CREBBP: variants seen among roughly 807,000 people sequenced by gnomAD.
CREBBP encodes the protein CREB-binding protein.
In CREBBP, 19 loss-of-function variants were observed where a neutral mutation model predicts 265.0. The ratio of observed to expected loss-of-function variants is 0.07; its 90% confidence interval spans 0.05 to 0.11. The LOEUF (loss-of-function observed/expected upper bound fraction) is 0.11, where lower values mean the gene tolerates loss of function less well. Ranked by LOEUF, CREBBP falls within the 10% of genes least tolerant of loss-of-function variation. The probability of loss-of-function intolerance (pLI) is 1.00; values close to 1 mark genes in which losing one functional copy is unlikely to be tolerated. For missense variants in CREBBP, 2,525 were observed against 3,219.0 expected (o/e 0.78, Z 5.22); for synonymous variants, 1,457 against 1,223.7 (o/e 1.19, Z -3.98).
rs991418971 is a variant in CREBBP, at chr16:3,780,759, T to G, written c.1796A>C (p.Asp599Ala). Residue 599 changes from aspartate (D) to alanine (A), a missense_variant, in exon 8 of 31, where the codon GAC becomes GCC. By Grantham distance (126) the Asp-to-Ala change is moderately radical. Coordinates refer to ENST00000262367, the MANE Select transcript of CREBBP (RefSeq NM_004380.3). Reference sequence around the variant, plus strand: ...TTTATGCACTAGATGGCTCCGCAGGTCCTGAGTGACATGTTCGTGCCAGCC... The same window carrying G: ...TTTATGCACTAGATGGCTCCGCAGGGCCTGAGTGACATGTTCGTGCCAGCC... ...RKGWHEHVTQ[D>A]LRSHLVHKLV... 6.2e-7 allele frequency: 1 copy of G among 1,614,024 alleles called. No homozygotes were observed. The highest frequency in any genetic ancestry group is 1.1e-5 in the South Asian group (1 of 91,062).
intron 2 of CREBBP, among the ~76,000 whole-genome samples, chr16:3,843,711 C>T (rs1249696057): frequency 3.3e-5 from 5 of 151,960 alleles, no homozygotes; most frequent in African/African-American, 4.8e-5. Context: ...TGAGCCACCA[C>T]GCCCGGCACT....
chr16:3,846,032 T>C (rs551773023), intron 2 of CREBBP, among the ~76,000 whole-genome samples: 1 of 152,286 alleles, frequency 6.6e-6, no homozygotes, highest in African/African-American at 2.4e-5. Context: ...TGTGTTTCTA[T>C]ACAAACTGAA....
chr16:3,871,111 GAA>G (rs1424374752), intron 1 of CREBBP, among the ~76,000 whole-genome samples: 2 of 151,564 alleles, frequency 1.3e-5, no homozygotes, highest in Non-Finnish European at 2.9e-5. Context: ...AAGAAAGAAA[GAA>G]GAGAGAAGAG....
At chr16:3,761,904 G>C (rs141013629) in intron 16 of CREBBP, among the ~76,000 whole-genome samples, 2 of 152,274 alleles carry the variant, frequency 1.3e-5, no homozygotes, top group Non-Finnish European at 2.9e-5. Context: ...CTGAATGAGG[G>C]GTTGGCAAAT....
intron 5 of CREBBP, among the ~76,000 whole-genome samples, chr16:3,786,042 A>G (rs1002276399): frequency 6.6e-6 from 1 of 152,258 alleles, no homozygotes; most frequent in African/African-American, 2.4e-5. Flanking sequence ...CTTCATGCAC[A>G]AACAATGTTC....
chr16:3,860,721 G>C (rs1188174998), intron 1 of CREBBP, among the ~76,000 whole-genome samples: 1 of 152,056 alleles, frequency 6.6e-6, no homozygotes, highest in African/African-American at 2.4e-5. Flanking sequence ...CAAGGGCAAA[G>C]CATCCTGGAA....
rs1457017346 is a variant in CREBBP at position 3,880,214 on chromosome 16, GCGCCCCGGCGGCCCGGC to G, written c.-315_-299del. On this transcript the variant is annotated 5_prime_UTR_variant, in exon 1 of 31. Coordinates refer to ENST00000262367, the MANE Select transcript of CREBBP (RefSeq NM_004380.3). The stretch of plus-strand genomic sequence containing the variant: ...CCGAGCGCGACACTCCGCGGTGGGG[GCGCCCCGGCGGCCCGGC>G]CGCCCCCCCGGGCCCGGCTGGCAGC... The G allele has an allele frequency of 7.2e-6, 1 of 138,546 alleles. No individual in the cohort carries two copies. Among genetic ancestry groups the G allele is most frequent in the Non-Finnish European group, 1.6e-5 (1 of 62,802 alleles). 8.6% of individuals were successfully genotyped at this position (138,546 alleles called of 1,614,324 possible).
intron 5 of CREBBP, among the ~76,000 whole-genome samples, chr16:3,785,637 T>C (rs913811037): frequency 1.3e-5 from 2 of 152,206 alleles, no homozygotes; most frequent in Admixed American, 6.5e-5. Context: ...ATGGAGTGTC[T>C]TGGAACTGAA....
At chr16:3,740,675 C>CA in intron 23 of CREBBP, 126 bp from the exon 24 acceptor site, 1 of 1,121,502 alleles carries the variant, frequency 8.9e-7, no homozygotes, top group Non-Finnish European at 1.3e-6. Flanking sequence ...GTTCTCCAAA[C>CA]ACGGAAGAAA....
Position 3,731,656 on chromosome 16 carries a change from G to C in CREBBP, c.4890+120C>G. 2 of 1,489,504 alleles carry C rather than the reference G, an allele frequency of 1.3e-6. No individual in the cohort carries two copies. Among genetic ancestry groups the C allele is most frequent in the Non-Finnish European group, 1.9e-6 (2 of 1,072,340 alleles). 92.3% of individuals were successfully genotyped at this position (1,489,504 alleles called of 1,614,324 possible). ...TGATGTCACCCAACTGGTCCACTTG[G>C]TTTCCTGGGGGCCACTTCCCTCCCA... On this transcript the variant is annotated intron_variant, in intron 29 of 30. Transcript: ENST00000262367. The surrounding 1 kb of genome is among the most constrained non-coding windows in gnomAD (Gnocchi z 7.7).
In CREBBP at chr16:3,869,166, T is replaced by C. The variant is rs193061882; in HGVS notation, c.85+10666A>G. 1.1e-3 allele frequency among the ~76,000 whole-genome samples: 171 copies of C among 152,198 alleles called. 1 individual carries two copies. Among genetic ancestry groups the C allele is most frequent in the Middle Eastern group, 6.8e-3 (2 of 294 alleles). On this transcript the variant is annotated intron_variant, in intron 1 of 30. Transcript: ENST00000262367. ...CGTCACAGCCCCCGGGGACTTCCAA[T>C]ACCCTTCAAAACAGGCTCAGTCCCC...
intron 2 of CREBBP, among the ~76,000 whole-genome samples, chr16:3,830,660 T>C (rs1019434796): frequency 2.0e-4 from 30 of 152,180 alleles, no homozygotes; most frequent in Admixed American, 1.8e-3. Context: ...AAAATTGTAA[T>C]TGTAGATTTT....
At chr16:3,775,649 C>T (rs2053120286) in intron 11 of CREBBP, among the ~76,000 whole-genome samples, 1 of 152,156 alleles carries the variant, frequency 6.6e-6, no homozygotes, top group African/African-American at 2.4e-5. Flanking sequence ...GTAAGCTTCC[C>T]CACTCCTTGA....
rs149272209 is a variant in CREBBP, at chr16:3,834,210, T to A, written c.798+16087A>T. Among the ~76,000 whole-genome samples the A allele has an allele frequency of 2.0e-4, 31 of 152,278 alleles. No individual in the cohort carries two copies. The East Asian group carries it at 6.0e-3, about 29-fold the overall frequency. On this transcript the variant is annotated intron_variant, in intron 2 of 30. Transcript: ENST00000262367. ...GACACTTTGGAAGACATTTTTGCAGTTTCTCACAAAACTAAGCATACTCTT... is the reference window on the plus strand; with the variant it reads ...GACACTTTGGAAGACATTTTTGCAGATTCTCACAAAACTAAGCATACTCTT...
At chr16:3,837,358 G>A (rs1034172118) in intron 2 of CREBBP, among the ~76,000 whole-genome samples, 7 of 152,312 alleles carry the variant, frequency 4.6e-5, no homozygotes, top group Non-Finnish European at 7.4e-5. Context: ...GCTCACACCT[G>A]TAATCCCAGC....
chr16:3,786,271 C>T (rs535961168), intron 5 of CREBBP, among the ~76,000 whole-genome samples: 1 of 152,288 alleles, frequency 6.6e-6, no homozygotes, highest in South Asian at 2.1e-4. Context: ...GAGGCTGAGG[C>T]AGGAGAACCG....
chr16:3,764,183 G>A (rs923882019), intron 16 of CREBBP, among the ~76,000 whole-genome samples: 5 of 152,228 alleles, frequency 3.3e-5, no homozygotes, highest in African/African-American at 1.2e-4. Context: ...ATGTTGCCCA[G>A]GCTGGCTTGA....
intron 5 of CREBBP, among the ~76,000 whole-genome samples, chr16:3,790,678 TGTG>T (rs887597374): frequency 2.0e-5 from 3 of 152,282 alleles, no homozygotes; most frequent in Admixed American, 6.5e-5. Context: ...GGAAACTCGT[TGTG>T]GTTCTTCTGT....
intron 16 of CREBBP, among the ~76,000 whole-genome samples, chr16:3,763,401 T>C (rs144573230): frequency 1.5e-4 from 23 of 152,138 alleles, no homozygotes; most frequent in African/African-American, 5.5e-4. Context: ...CCTCAAGTGA[T>C]CTTCCCACCT....
Sources: allele counts gnomAD v4.1 joint callset (sites outside exome capture counted in the v4.1 genomes callset), GRCh38; gene constraint gnomAD v4.1.1; non-coding constraint Gnocchi (gnomAD v3.1); transcripts MANE v1.5; gene names NCBI Gene and HGNC (gene_info 2026-07-23, HGNC 2026-07-21).